RIMS1: variants seen among roughly 807,000 people sequenced by gnomAD.
RIMS1 encodes regulating synaptic membrane exocytosis 1.
In RIMS1, 83 loss-of-function variants were observed where a neutral mutation model predicts 214.1. The ratio of observed to expected loss-of-function variants is 0.39; its 90% confidence interval spans 0.32 to 0.47. RIMS1 has a LOEUF of 0.47. Among genes scored for constraint, RIMS1 ranks in the 20% least tolerant of loss-of-function variants. RIMS1 has a pLI of 0.99. For missense variants in RIMS1, 2,050 were observed against 2,161.8 expected (o/e 0.95, Z 1.03); for synonymous variants, 793 against 786.8 (o/e 1.01, Z -0.13).
In RIMS1 at chr6:72,188,346, C is replaced by G. The variant is rs182595494; in HGVS notation, c.1678+5197C>G. Among the ~76,000 whole-genome samples, 377 of 152,210 alleles carry G rather than the reference C, an allele frequency of 2.5e-3. 1 individual carries two copies. Among genetic ancestry groups the G allele is most frequent in the Middle Eastern group, 0.02 (6 of 294 alleles). On this transcript the variant is annotated intron_variant, in intron 6 of 33. Coordinates refer to ENST00000521978, the MANE Select transcript of RIMS1 (RefSeq NM_014989.7). ...GACAATAATAAGGTAATAATTATGC[C>G]GAACATAATACAACTATCCTTCGTA...
At chr6:72,307,182 A>T (rs934745510) in intron 26 of RIMS1, 76 bp from the exon 27 acceptor site, 2 of 875,056 alleles carry the variant, frequency 2.3e-6, no homozygotes, top group East Asian at 2.7e-5. Flanking sequence ...TTTCAAAAGC[A>T]TTGAAATCTT....
chr6:72,401,344 A>T lies in RIMS1; in HGVS notation c.*630A>T, dbSNP rs1226141150. On this transcript the variant is annotated 3_prime_UTR_variant, in exon 34 of 34. Transcript: ENST00000521978. ...TCTGTAGCATCTCCCCAAAGTGTTAAACAGCTACATAAGGTGAAGCCAAGG... is the reference window on the plus strand; with the variant it reads ...TCTGTAGCATCTCCCCAAAGTGTTATACAGCTACATAAGGTGAAGCCAAGG... 1.3e-5 allele frequency: 2 copies of T among 152,626 alleles called. No homozygotes were observed. The highest frequency in any genetic ancestry group is 2.9e-5 in the Non-Finnish European group (2 of 68,046). 9.5% of individuals were successfully genotyped at this position (152,626 alleles called of 1,614,324 possible). A position where few individuals can be genotyped will look rare whatever the true frequency, so the allele number is the denominator to read the frequency against.
At position 72,180,028 on chromosome 6, in the gene RIMS1, G is replaced by T. The variant is rs1588634475; in HGVS notation, c.812+113G>T. 4.5e-6 allele frequency: 3 copies of T among 666,024 alleles called. No individual in the cohort carries two copies. In the African/African-American group the frequency reaches 5.4e-5, roughly 12 times the overall value. 41.3% of individuals were successfully genotyped at this position (666,024 alleles called of 1,614,324 possible). A position where few individuals can be genotyped will look rare whatever the true frequency, so the allele number is the denominator to read the frequency against. On this transcript the variant is annotated intron_variant, in intron 5 of 33. Transcript: ENST00000521978. ...AATATGTGGAAGTAGTACTTCTCAG[G>T]CCCCACATGGAAAAACAAAAGGCCT...
At chr6:72,293,520 G>C (rs1378268936) in intron 26 of RIMS1, among the ~76,000 whole-genome samples, 1 of 151,818 alleles carries the variant, frequency 6.6e-6, no homozygotes, top group Non-Finnish European at 1.5e-5. Flanking sequence ...ACAAATGTGG[G>C]TGTTTAGTTA....
chr6:72,130,874 TA>T (rs1187366801), intron 4 of RIMS1, among the ~76,000 whole-genome samples: 1 of 151,922 alleles, frequency 6.6e-6, no homozygotes, highest in Admixed American at 6.6e-5. Flanking sequence ...TTTGCAAAAA[TA>T]AAGAAATTGG....
chr6:72,227,687 C>A (rs1007649769), intron 6 of RIMS1, among the ~76,000 whole-genome samples: 7 of 151,928 alleles, frequency 4.6e-5, no homozygotes, highest in African/African-American at 1.7e-4. Flanking sequence ...AAGGATGGCA[C>A]CACAGGGCTT....
At chr6:71,977,432 A>G (rs1199711362) in intron 2 of RIMS1, among the ~76,000 whole-genome samples, 1 of 152,168 alleles carries the variant, frequency 6.6e-6, no homozygotes, top group Non-Finnish European at 1.5e-5. Context: ...TGCATAACAT[A>G]TTGCCAGGCC....
intron 23 of RIMS1, among the ~76,000 whole-genome samples, chr6:72,282,075 T>C (rs887013385): frequency 4.6e-5 from 7 of 151,986 alleles, no homozygotes; most frequent in African/African-American, 1.7e-4. Flanking sequence ...TGACAGTAAG[T>C]TTTGTGGGTC....
rs1554194854 is a variant in RIMS1 at position 71,890,596 on chromosome 6, A to AAAACAAC, written c.164+3410_164+3411insAACAACA. ...AAAAAAAAAAAAAAAAAAAAAAAAA[A>AAAACAAC]ACTTCATAGAGAAAGCAGCTACTGA... is the stretch of plus-strand genomic sequence containing the variant. On this transcript the variant is annotated intron_variant, in intron 1 of 33. Transcript: ENST00000521978. Among the ~76,000 whole-genome samples the AAAACAAC allele has an allele frequency of 9.7e-5, 11 of 112,946 alleles. 1 individual carries two copies. The highest frequency in any genetic ancestry group is 3.9e-4 in the African/African-American group (11 of 28,466). The allele number at this position is 112,946 out of a possible 152,430, so 74.1% of individuals were successfully genotyped here.
chr6:72,028,852 C>T (rs183417075), intron 2 of RIMS1, among the ~76,000 whole-genome samples: 5 of 152,132 alleles, frequency 3.3e-5, no homozygotes, highest in East Asian at 1.9e-4. Flanking sequence ...ACATGTATTG[C>T]GCACCTTCTG....
chr6:72,368,717 A>G (rs886103834), intron 29 of RIMS1, among the ~76,000 whole-genome samples: 2 of 152,152 alleles, frequency 1.3e-5, no homozygotes, highest in African/African-American at 4.8e-5. Context: ...ATAAATTCAG[A>G]TGACAAGTTA....
chr6:72,133,218 T>A (rs2040733591), intron 4 of RIMS1, among the ~76,000 whole-genome samples: 1 of 146,816 alleles, frequency 6.8e-6, no homozygotes, highest in African/African-American at 2.4e-5. Flanking sequence ...CTCTCTTTTT[T>A]TTCTTTTCTC....
At chr6:72,242,561 C>CA in intron 10 of RIMS1, 124 bp downstream of exon 10, 2 of 630,530 alleles carry the variant, frequency 3.2e-6, no homozygotes, top group Non-Finnish European at 5.1e-6. Context: ...CAATTATGGG[C>CA]ATACATTTTT....
chr6:72,112,591 C>T (rs535409743), intron 4 of RIMS1, among the ~76,000 whole-genome samples: 39 of 152,252 alleles, frequency 2.6e-4, no homozygotes, highest in South Asian at 8.3e-4. Context: ...CAAAGCCCTG[C>T]CTCAGGCTGC....
chr6:72,270,511 C>T (rs981928347), intron 22 of RIMS1, among the ~76,000 whole-genome samples: 1 of 152,142 alleles, frequency 6.6e-6, no homozygotes, highest in Non-Finnish European at 1.5e-5. Flanking sequence ...CTACTTTTCA[C>T]TTCAAAGTTG....
intron 29 of RIMS1, among the ~76,000 whole-genome samples, chr6:72,380,848 T>C (rs1056973641): frequency 3.3e-5 from 5 of 152,192 alleles, no homozygotes; most frequent in Admixed American, 6.5e-5. Flanking sequence ...CCACTTCTTA[T>C]TTAAGGCAAC....
intron 2 of RIMS1, among the ~76,000 whole-genome samples, chr6:72,074,892 T>C (rs953306597): frequency 6.6e-6 from 1 of 152,158 alleles, no homozygotes; most frequent in African/African-American, 2.4e-5. Context: ...AGTCTATGGA[T>C]TAATTAATGG....
At chr6:72,353,090 A>C (rs367709286) in intron 29 of RIMS1, among the ~76,000 whole-genome samples, 1 of 142,980 alleles carries the variant, frequency 7.0e-6, no homozygotes, top group Non-Finnish European at 1.5e-5. Flanking sequence ...TCCCGGGTTC[A>C]AGTGATTCTC....
intron 1 of RIMS1, among the ~76,000 whole-genome samples, chr6:71,916,122 T>C (rs1778340820): frequency 6.6e-6 from 1 of 151,942 alleles, no homozygotes; most frequent in Non-Finnish European, 1.5e-5. Context: ...CTTTGATAAA[T>C]AAAATGGGTA....
Sources: allele counts gnomAD v4.1 joint callset (sites outside exome capture counted in the v4.1 genomes callset), GRCh38; gene constraint gnomAD v4.1.1; transcripts MANE v1.5; gene names NCBI Gene and HGNC (gene_info 2026-07-23, HGNC 2026-07-21).